Variants in PI4KB observed in about 807,000 individuals in gnomAD.
PI4KB encodes phosphatidylinositol 4-kinase beta.
PI4KB carries 23 observed loss-of-function variants against 81.4 expected under a neutral mutation model. The ratio of observed to expected loss-of-function variants is 0.28; its 90% CI spans 0.20 to 0.40. The LOEUF is 0.40. Among genes scored for constraint, PI4KB ranks in the 10% least tolerant of loss-of-function variants. PI4KB has a pLI of 1.00. For missense variants in PI4KB, 651 were observed against 1,036.6 expected (o/e 0.63, Z 5.11); for synonymous variants, 381 against 406.8 (o/e 0.94, Z 0.76).
intron 1 of PI4KB, among the ~76,000 whole-genome samples, chr1:151,322,783 T>C (rs547641953): frequency 6.6e-6 from 1 of 152,162 alleles, no homozygotes; most frequent in African/African-American, 2.4e-5. Context: ...GTTGCCCAGG[T>C]TGGAGTGCAG....
intron 2 of PI4KB, among the ~76,000 whole-genome samples, chr1:151,311,809 C>T (rs1400163358): frequency 6.6e-6 from 1 of 152,206 alleles, no homozygotes; most frequent in African/African-American, 2.4e-5. Context: ...AAGAAGCTGA[C>T]ATCACACCAT....
At chr1:151,311,174 T>C (rs587665782) in intron 2 of PI4KB, among the ~76,000 whole-genome samples, 1 of 151,986 alleles carries the variant, frequency 6.6e-6, no homozygotes, top group East Asian at 1.9e-4. Context: ...GCAACACTCA[T>C]GCACAGGGCT....
At chr1:151,301,720 G>T in intron 8 of PI4KB, 124 bp downstream of exon 8, 1 of 830,446 alleles carries the variant, frequency 1.2e-6, no homozygotes, top group Non-Finnish European at 1.9e-6. Flanking sequence ...TTTTAGTAGA[G>T]ACAGGGTTTC....
intron 1 of PI4KB, chr1:151,324,717 T>C: frequency 1.0e-6 from 1 of 981,618 alleles, no homozygotes; most frequent in Non-Finnish European, 1.2e-6. Flanking sequence ...CTGAAACAGA[T>C]GGCAAAGAAA....
intron 2 of PI4KB, among the ~76,000 whole-genome samples, chr1:151,313,602 A>C (rs756494520): frequency 6.6e-5 from 10 of 152,192 alleles, no homozygotes. Flanking sequence ...CAGCTATCCA[A>C]CCCTTCATGT....
At position 151,323,021 on chromosome 1, in the gene PI4KB, G is replaced by A. The variant is rs78753226; in HGVS notation, c.-29+4250C>T. Among the ~76,000 whole-genome samples the A allele has an allele frequency of 8.2e-3, 1,248 of 152,116 alleles. 6 individuals carry two copies. The highest frequency in any genetic ancestry group is 0.013 in the Non-Finnish European group (870 of 68,008). On this transcript the variant is annotated intron_variant, in intron 1 of 11. Transcript: ENST00000368873. ...ACGGGTAAGGAAACCAATATCTGAC[G>A]TTCATTCTACAAGGTGAATTAAGAG...
At chr1:151,327,212 A>AGGGCGG in intron 1 of PI4KB, 59 bp downstream of exon 1, 1 of 79,244 alleles carries the variant, frequency 1.3e-5, no homozygotes, top group Non-Finnish European at 2.5e-5. Context: ...AGGGTGGGAG[A>AGGGCGG]GGGACCCCCC....
chr1:151,294,130 G>A lies in PI4KB; in HGVS notation c.2157C>T (p.Gly719=), dbSNP rs1280709801. 1.4e-5 allele frequency: 23 copies of A among 1,612,874 alleles called. No individual in the cohort carries two copies. The highest frequency in any genetic ancestry group is 4.4e-5 in the South Asian group (4 of 90,934). Residue 719 remains glycine, a synonymous_variant, in exon 11 of 12, where the codon GGC becomes GGT. Coordinates refer to ENST00000368873, the MANE Select transcript of PI4KB (RefSeq NM_001369623.2). ...AGTTGAACATGTCGCCATCCAGGCC[G>A]CCCATCACCTGGAAAGGGAAGAGAG... ...KLTTEFVDVM[G]GLDGDMFNYY...
rs1423998565 is a variant in PI4KB, at chr1:151,297,056, CG to C, written c.2015+1751del. On this transcript the variant is annotated intron_variant, in intron 9 of 11. Coordinates refer to ENST00000368873, the MANE Select transcript of PI4KB (RefSeq NM_001369623.2). ...GCTCCCAAAGTGTTGGGATTACAGG[CG>C]TGAGCCACTGCATCCAGCCTAGATG... Among the ~76,000 whole-genome samples the C allele has an allele frequency of 5.3e-5, 8 of 152,294 alleles. No homozygotes were observed. In the East Asian group the frequency reaches 1.5e-3, roughly 29 times the overall value.
intron 1 of PI4KB, chr1:151,326,142 AATT>A: frequency 6.2e-7 from 1 of 1,609,896 alleles, no homozygotes; most frequent in Non-Finnish European, 8.5e-7. Flanking sequence ...AAAAGCCTAA[AATT>A]AAATAATCTG....
At chr1:151,326,102 G>T in intron 1 of PI4KB, 1 of 1,383,632 alleles carries the variant, frequency 7.2e-7, no homozygotes, top group Non-Finnish European at 1.0e-6. Context: ...ACAGGGGTGA[G>T]AAGGCACTCT....
intron 5 of PI4KB, among the ~76,000 whole-genome samples, chr1:151,305,511 G>A (rs1030123267): frequency 6.6e-6 from 1 of 152,122 alleles, no homozygotes; most frequent in Non-Finnish European, 1.5e-5. Flanking sequence ...TGTTCCCTCT[G>A]TCCAGCACTC....
chr1:151,318,450 C>T (rs1306805564), intron 1 of PI4KB, among the ~76,000 whole-genome samples: 5 of 149,422 alleles, frequency 3.3e-5, no homozygotes, highest in South Asian at 2.1e-4. Flanking sequence ...CGGTGGCTCA[C>T]GCCTGTAATC....
chr1:151,303,786 G>A, intron 5 of PI4KB, 136 bp from the exon 6 acceptor site: 1 of 664,274 alleles, frequency 1.5e-6, no homozygotes, highest in Non-Finnish European at 2.8e-6. Flanking sequence ...TGGTTACTGG[G>A]ACCCCAGGCT....
At chr1:151,315,498 T>C in intron 2 of PI4KB, 75 bp downstream of exon 2, 1 of 925,322 alleles carries the variant, frequency 1.1e-6, no homozygotes, top group Non-Finnish European at 1.8e-6. Context: ...CGTAACCCTG[T>C]GTGTATATAG....
At chr1:151,310,184 A>G in intron 3 of PI4KB, 27 bp downstream of exon 3, 1 of 1,572,674 alleles carries the variant, frequency 6.4e-7, no homozygotes, top group Non-Finnish European at 8.7e-7. Flanking sequence ...GGAGCCTGCC[A>G]CCCCGTCCCA....
At chr1:151,326,138 C>G (rs1210499233) in intron 1 of PI4KB, 1 of 1,606,694 alleles carries the variant, frequency 6.2e-7, no homozygotes, top group Non-Finnish European at 8.5e-7. Context: ...TAACAAAAGC[C>G]TAAAATTAAA....
chr1:151,293,293 G>C, intron 11 of PI4KB: 1 of 1,389,476 alleles, frequency 7.2e-7, no homozygotes, highest in Non-Finnish European at 9.5e-7. Flanking sequence ...CCTCAGTAAG[G>C]GTGGAGGGGC....
At chr1:151,310,069 G>A (rs1696083415) in intron 3 of PI4KB, 142 bp downstream of exon 3, 3 of 648,280 alleles carry the variant, frequency 4.6e-6, no homozygotes, top group South Asian at 3.7e-5. Context: ...TGGGAGGTCT[G>A]GGAGGGAGGA....
Sources: gnomAD v4.1 joint callset for allele counts (sites outside exome capture counted in the v4.1 genomes callset) on GRCh38, gnomAD v4.1.1 for gene constraint, MANE v1.5 for transcripts, NCBI Gene and HGNC (gene_info 2026-07-23, HGNC 2026-07-21) for gene names.